The following PDE4B variants were observed in gnomAD, a reference collection of about 807,000 sequenced individuals.
PDE4B encodes phosphodiesterase 4B.
In PDE4B, 20 loss-of-function variants were observed where a neutral mutation model predicts 82.2. That is an observed-to-expected ratio of 0.24 (90% confidence interval 0.17 to 0.35). The LOEUF (loss-of-function observed/expected upper bound fraction) is 0.35, where lower values mean the gene tolerates loss of function less well. Ranked by LOEUF, PDE4B falls within the 10% of genes least tolerant of loss-of-function variation. The probability of loss-of-function intolerance (pLI) is 1.00; values close to 1 mark genes in which losing one functional copy is unlikely to be tolerated. For synonymous variants in PDE4B, 320 were observed against 318.9 expected (o/e 1.00, Z -0.04); for missense variants, 655 against 907.2 (o/e 0.72, Z 3.57).
chr1:66,312,759 A>C (rs1378537765), intron 7 of PDE4B, among the ~76,000 whole-genome samples: 1 of 152,208 alleles, frequency 6.6e-6, no homozygotes, highest in African/African-American at 2.4e-5. Flanking sequence ...ATGTTTTTGC[A>C]AATAAAGTGT....
chr1:66,329,532 C>G (rs746052128), intron 7 of PDE4B, among the ~76,000 whole-genome samples: 15 of 152,128 alleles, frequency 9.9e-5, no homozygotes, highest in Non-Finnish European at 2.1e-4. Flanking sequence ...ACTGTAAAAT[C>G]CCTTATTGAA....
intron 3 of PDE4B, chr1:66,094,485 A>G (rs1350398003): frequency 6.6e-6 from 1 of 152,052 alleles, no homozygotes; most frequent in African/African-American, 2.4e-5. Flanking sequence ...AAAGTTTTCA[A>G]TTAGCAATGA....
rs148474066 is a variant in PDE4B, at chr1:66,210,671, G to A, written c.282-36789G>A. ...AAAGTAGCTGAATCTATGAACAGGG[G>A]AGAGGGTAGTTCATACATACAATCA... On this transcript the variant is annotated intron_variant, in intron 3 of 16. Coordinates refer to ENST00000341517, the MANE Select transcript of PDE4B (RefSeq NM_002600.4). 9.9e-5 allele frequency among the ~76,000 whole-genome samples: 15 copies of A among 151,674 alleles called. No individual in the cohort carries two copies. The East Asian group carries it at 2.9e-3, about 29-fold the overall frequency.
chr1:66,224,588 G>A (rs578154102), intron 3 of PDE4B, among the ~76,000 whole-genome samples: 12 of 152,270 alleles, frequency 7.9e-5, no homozygotes, highest in East Asian at 7.7e-4. Context: ...GCACTGTGGC[G>A]TGTGCCTGTA....
At chr1:66,332,959 G>T (rs973262100) in intron 8 of PDE4B, among the ~76,000 whole-genome samples, 2 of 152,150 alleles carry the variant, frequency 1.3e-5, no homozygotes, top group African/African-American at 4.8e-5. Flanking sequence ...CAATTATCAG[G>T]AAGCTAAAAT....
Position 65,918,590 on chromosome 1 carries a change from C to T in PDE4B, c.43-7C>T. ...CTTCTTTTTTTCTTTCCCTGTGGTT[C>T]CTCCAGAATGTTAAAGATTATTTTG... On this transcript the variant is annotated splice_polypyrimidine_tract_variant and splice_region_variant and intron_variant, in intron 2 of 16. Transcript: ENST00000341517. The T allele has an allele frequency of 6.8e-7, 1 of 1,475,712 alleles. No homozygotes were observed. The highest frequency in any genetic ancestry group is 9.5e-7 in the Non-Finnish European group (1 of 1,054,952). The allele number at this position is 1,475,712 out of a possible 1,614,324, so 91.4% of individuals were successfully genotyped here. A position where few individuals can be genotyped will look rare whatever the true frequency, so the allele number is the denominator to read the frequency against.
chr1:66,234,695 T>C (rs897426625), intron 3 of PDE4B, among the ~76,000 whole-genome samples: 1 of 152,164 alleles, frequency 6.6e-6, no homozygotes, highest in African/African-American at 2.4e-5. Context: ...TTCTTTTTTT[T>C]TCCTGGTAAG....
chr1:65,955,376 C>G (rs896541301), intron 3 of PDE4B, among the ~76,000 whole-genome samples: 2 of 152,164 alleles, frequency 1.3e-5, no homozygotes, highest in South Asian at 2.1e-4. Flanking sequence ...CTGAGGGAAC[C>G]CTTTTATGGG....
chr1:66,311,987 G>A (rs1293279599), intron 7 of PDE4B, among the ~76,000 whole-genome samples: 1 of 152,114 alleles, frequency 6.6e-6, no homozygotes, highest in African/African-American at 2.4e-5. Context: ...TATAGGTCTG[G>A]GAACCTCTAG....
At chr1:66,247,233 A>G (rs1274786384) in intron 3 of PDE4B, among the ~76,000 whole-genome samples, 2 of 152,206 alleles carry the variant, frequency 1.3e-5, no homozygotes, top group African/African-American at 4.8e-5. Context: ...AATGGTGGGC[A>G]TGGGTAAATA....
At chr1:66,105,287 C>T (rs1340674278) in intron 3 of PDE4B, among the ~76,000 whole-genome samples, 1 of 150,696 alleles carries the variant, frequency 6.6e-6, no homozygotes, top group African/African-American at 2.4e-5. Flanking sequence ...CTGTTCTATT[C>T]CATTGATCTA....
intron 3 of PDE4B, among the ~76,000 whole-genome samples, chr1:66,004,585 A>T (rs145029361): frequency 2.6e-3 from 403 of 152,234 alleles, no homozygotes; most frequent in Non-Finnish European, 4.2e-3. Context: ...TACTTTCTCC[A>T]TTAGTGAAAC....
At chr1:66,188,594 C>T (rs1234053035) in intron 3 of PDE4B, among the ~76,000 whole-genome samples, 1 of 151,414 alleles carries the variant, frequency 6.6e-6, no homozygotes, top group African/African-American at 2.4e-5. Flanking sequence ...ATGTAATGGC[C>T]TTCTTTGTCT....
intron 3 of PDE4B, among the ~76,000 whole-genome samples, chr1:66,013,606 A>G (rs1485744000): frequency 1.3e-5 from 2 of 152,102 alleles, no homozygotes; most frequent in Non-Finnish European, 2.9e-5. Flanking sequence ...TTTCAAAACT[A>G]AAAGTCTATA....
In PDE4B at chr1:66,365,750, GT is replaced by G; in HGVS notation, c.1371del (p.Leu458SerfsTer10). 1 of 1,594,776 alleles carries G rather than the reference GT, an allele frequency of 6.3e-7. No individual in the cohort carries two copies. The highest frequency in any genetic ancestry group is 8.6e-7 in the Non-Finnish European group (1 of 1,164,688). ...TTGATCATCCTGGAGTCTCCAATCAGTTTCTCATCAACACAAGTGAGTTCAC... is the reference window on the plus strand; with the variant it reads ...TTGATCATCCTGGAGTCTCCAATCAGTTCTCATCAACACAAGTGAGTTCAC... ...DVDHPGVSNQFLINTNSELAL... is the reference protein window; with the variant it reads ...DVDHPGVSNQXLINTNSELAL... On this transcript the variant is annotated frameshift_variant, in exon 13 of 17. Coordinates refer to ENST00000341517, the MANE Select transcript of PDE4B (RefSeq NM_002600.4). LOFTEE classifies it high-confidence loss of function.
At chr1:66,018,122 A>G (rs1456676020) in intron 3 of PDE4B, among the ~76,000 whole-genome samples, 2 of 152,144 alleles carry the variant, frequency 1.3e-5, no homozygotes, top group Non-Finnish European at 2.9e-5. Context: ...CCATCTAAAG[A>G]GTATGTGGTT....
intron 7 of PDE4B, among the ~76,000 whole-genome samples, chr1:66,310,222 G>A (rs907569697): frequency 6.6e-6 from 1 of 152,118 alleles, no homozygotes; most frequent in Non-Finnish European, 1.5e-5. Flanking sequence ...GACATCATTT[G>A]GTACAACACC....
At chr1:66,295,826 C>T (rs1410308478) in intron 7 of PDE4B, among the ~76,000 whole-genome samples, 4 of 152,108 alleles carry the variant, frequency 2.6e-5, no homozygotes, top group African/African-American at 9.7e-5. Context: ...AGTTTCTGTC[C>T]TCTCTGCAGC....
chr1:66,318,632 G>T (rs1244825153), intron 7 of PDE4B, among the ~76,000 whole-genome samples: 1 of 152,050 alleles, frequency 6.6e-6, no homozygotes, highest in Non-Finnish European at 1.5e-5. Context: ...CTTCCCAATA[G>T]AAATATAATA....
Sources: gnomAD v4.1 joint callset for allele counts (sites outside exome capture counted in the v4.1 genomes callset) on GRCh38, gnomAD v4.1.1 for gene constraint, MANE v1.5 for transcripts, NCBI Gene and HGNC (gene_info 2026-07-23, HGNC 2026-07-21) for gene names.